The following LTBP1 variants were observed in gnomAD, a reference collection of about 807,000 sequenced individuals.
The protein encoded by LTBP1 is latent-transforming growth factor beta-binding protein 1.
In LTBP1, 129 loss-of-function variants were observed where a neutral mutation model predicts 207.6. The ratio of observed to expected loss-of-function variants is 0.62; its 90% CI spans 0.54 to 0.72. The LOEUF (loss-of-function observed/expected upper bound fraction) is 0.72, where lower values mean the gene tolerates loss of function less well. Among genes scored for constraint, LTBP1 ranks in the 30% least tolerant of loss-of-function variants. The pLI is 0.00. For synonymous variants in LTBP1, 963 were observed against 833.7 expected (o/e 1.16, Z -2.67); for missense variants, 2,281 against 2,217.2 (o/e 1.03, Z -0.58).
At chr2:33,090,407 G>A (rs1018361341) in intron 3 of LTBP1, among the ~76,000 whole-genome samples, 2 of 152,194 alleles carry the variant, frequency 1.3e-5, no homozygotes, top group Non-Finnish European at 1.5e-5. Context: ...CTGTCTTCGC[G>A]CTTGTGACAT....
chr2:32,964,869 G>A (rs1361875522), intron 2 of LTBP1, among the ~76,000 whole-genome samples: 3 of 151,810 alleles, frequency 2.0e-5, no homozygotes, highest in Non-Finnish European at 4.4e-5. Context: ...GTGAAACCCC[G>A]TCTCTACTAA....
Position 33,188,686 on chromosome 2 carries a change from A to G in LTBP1, c.1536A>G (p.Lys512=), listed in dbSNP as rs772219741. The change falls in exon 7 of 34, where the codon AAA becomes AAG. Residue 512 remains lysine (K), a synonymous_variant. Coordinates refer to ENST00000404816, the MANE Select transcript of LTBP1 (RefSeq NM_206943.4). ...ATGGCCCAACAGGCCAGAAGACAAA[A>G]GAAGCTCAACCAGGCCAATCCCAAG... ...RIDGPTGQKT[K]EAQPGQSQVS... 3 of 1,614,158 alleles carry G rather than the reference A, an allele frequency of 1.9e-6. No individual in the cohort carries two copies. Among genetic ancestry groups the G allele is most frequent in the South Asian group, 2.2e-5 (2 of 91,080 alleles).
intron 10 of LTBP1, among the ~76,000 whole-genome samples, chr2:33,245,343 A>G (rs1476905936): frequency 6.6e-6 from 1 of 152,260 alleles, no homozygotes; most frequent in Non-Finnish European, 1.5e-5. Flanking sequence ...TGAGATATGT[A>G]GAGGTGATAA....
At chr2:33,334,655 G>A (rs534430263) in intron 24 of LTBP1, among the ~76,000 whole-genome samples, 9 of 152,112 alleles carry the variant, frequency 5.9e-5, no homozygotes, top group Non-Finnish European at 1.2e-4. Flanking sequence ...TTTCCAACAG[G>A]ATATCTTTAA....
chr2:33,225,716 T>A (rs555803172), intron 9 of LTBP1, among the ~76,000 whole-genome samples: 78 of 152,326 alleles, frequency 5.1e-4, no homozygotes, highest in African/African-American at 1.8e-3. Flanking sequence ...TTAACAAATC[T>A]ATCTTTAACT....
chr2:33,356,181 A>G (rs1191524128), intron 26 of LTBP1, among the ~76,000 whole-genome samples: 1 of 152,168 alleles, frequency 6.6e-6, no homozygotes, highest in Non-Finnish European at 1.5e-5. Context: ...TTTATGTAAC[A>G]GGGAAGAAAT....
At chr2:33,193,455 A>C (rs1371656210) in intron 7 of LTBP1, among the ~76,000 whole-genome samples, 1 of 152,186 alleles carries the variant, frequency 6.6e-6, no homozygotes. Context: ...AAATGTCCTT[A>C]TTCTTAATAG....
intron 4 of LTBP1, among the ~76,000 whole-genome samples, chr2:33,120,342 C>G (rs753527961): frequency 6.6e-6 from 1 of 152,146 alleles, no homozygotes; most frequent in Non-Finnish European, 1.5e-5. Context: ...TCCTTTTACC[C>G]TCCCACTTAA....
At chr2:33,199,280 C>G (rs1446135136) in intron 7 of LTBP1, among the ~76,000 whole-genome samples, 1 of 152,156 alleles carries the variant, frequency 6.6e-6, no homozygotes, top group African/African-American at 2.4e-5. Context: ...GTTATCATTT[C>G]TGTTCTTTTA....
At chr2:33,010,987 G>A (rs1687602987) in intron 2 of LTBP1, among the ~76,000 whole-genome samples, 1 of 152,112 alleles carries the variant, frequency 6.6e-6, no homozygotes, top group Non-Finnish European at 1.5e-5. Flanking sequence ...CAAGGTGCTG[G>A]AATTACAGGG....
At chr2:33,018,074 G>C (rs1573114704) in intron 2 of LTBP1, among the ~76,000 whole-genome samples, 1 of 151,824 alleles carries the variant, frequency 6.6e-6, no homozygotes, top group African/African-American at 2.4e-5. Flanking sequence ...TACAAAGGGA[G>C]GTATTATATA....
intron 3 of LTBP1, among the ~76,000 whole-genome samples, chr2:33,046,711 G>A (rs773747788): frequency 6.6e-6 from 1 of 152,204 alleles, no homozygotes; most frequent in Non-Finnish European, 1.5e-5. Flanking sequence ...TTGTACCTCT[G>A]GTAGAATTTA....
chr2:33,093,388 T>C (rs1645067704), intron 3 of LTBP1, among the ~76,000 whole-genome samples: 1 of 152,198 alleles, frequency 6.6e-6, no homozygotes, highest in Admixed American at 6.5e-5. Flanking sequence ...GGGATTTTAT[T>C]TACCGCCTGG....
At chr2:33,202,751 C>T (rs1467652400) in intron 7 of LTBP1, among the ~76,000 whole-genome samples, 1 of 152,224 alleles carries the variant, frequency 6.6e-6, no homozygotes, top group Non-Finnish European at 1.5e-5. Context: ...TCTTCCTCCC[C>T]ATCGCCTAAG....
chr2:33,396,439 C>G (rs1241592263), intron 32 of LTBP1, among the ~76,000 whole-genome samples: 1 of 152,174 alleles, frequency 6.6e-6, no homozygotes, highest in Non-Finnish European at 1.5e-5. Flanking sequence ...CCACGCTGGT[C>G]TTGAACTCCT....
chr2:33,238,455 A>G (rs980921211), intron 9 of LTBP1, among the ~76,000 whole-genome samples: 1 of 152,208 alleles, frequency 6.6e-6, no homozygotes, highest in African/African-American at 2.4e-5. Context: ...ACCAAATGTC[A>G]TACTTTCTTT....
At chr2:33,277,760 CCTTTCTTTCTTT>C (rs370778507) in intron 18 of LTBP1, among the ~76,000 whole-genome samples, 1,674 of 95,468 alleles carry the variant, frequency 0.018, 65 homozygotes, top group African/African-American at 0.045. Flanking sequence ...TTTTTTTTTC[CCTTTCTTTCTTT>C]CTTTCTTTCT....
chr2:33,093,339 C>G (rs1237261317), intron 3 of LTBP1, among the ~76,000 whole-genome samples: 1 of 152,144 alleles, frequency 6.6e-6, no homozygotes, highest in Non-Finnish European at 1.5e-5. Flanking sequence ...TGCTCTCCCT[C>G]CTATTCAGTG....
intron 26 of LTBP1, among the ~76,000 whole-genome samples, chr2:33,353,535 A>G (rs547424060): frequency 7.9e-5 from 12 of 152,244 alleles, no homozygotes; most frequent in South Asian, 6.2e-4. Context: ...TTGCCTCTCC[A>G]CATTAGAAGC....
Sources: allele counts gnomAD v4.1 joint callset (sites outside exome capture counted in the v4.1 genomes callset), GRCh38; gene constraint gnomAD v4.1.1; transcripts MANE v1.5; gene names NCBI Gene and HGNC (gene_info 2026-07-23, HGNC 2026-07-21).